Variants in RBM28 observed in about 807,000 individuals in gnomAD.
The protein encoded by RBM28 is RNA-binding protein 28.
RBM28 carries 78 observed loss-of-function variants against 98.3 expected under a neutral mutation model. The ratio of observed to expected loss-of-function variants is 0.79; its 90% CI spans 0.66 to 0.96. The LOEUF is 0.96. Ranked by LOEUF, RBM28 falls within the 40% of genes least tolerant of loss-of-function variation. The probability of loss-of-function intolerance (pLI) is 0.00; values close to 1 mark genes in which losing one functional copy is unlikely to be tolerated. For missense variants in RBM28, 838 were observed against 913.0 expected (o/e 0.92, Z 1.06); for synonymous variants, 306 against 330.9 (o/e 0.92, Z 0.82).
chr7:128,333,068 T>A (rs1796518213), intron 9 of RBM28, among the ~76,000 whole-genome samples: 1 of 152,208 alleles, frequency 6.6e-6, no homozygotes, highest in African/African-American at 2.4e-5. Context: ...TTACAAAGCA[T>A]GAAATCTAAA....
In RBM28 at chr7:128,321,474, T is replaced by G. The variant is rs754057772; in HGVS notation, c.1405-50A>C. On this transcript the variant is annotated intron_variant, in intron 13 of 18. Transcript: ENST00000223073. ...AGTACAACCCACTCTTTTTAAGAGG[T>G]AGGCTCATAATTCTCCAAAAGGAAA... 5.0e-6 allele frequency: 8 copies of G among 1,606,922 alleles called. 1 individual carries two copies. The Admixed American group carries it at 1.3e-4, about 27-fold the overall frequency.
chr7:128,341,748 C>T (rs1584667364), intron 1 of RBM28, among the ~76,000 whole-genome samples: 1 of 152,208 alleles, frequency 6.6e-6, no homozygotes, highest in Admixed American at 6.5e-5. Flanking sequence ...TGGAATACAA[C>T]CACCTGGGTA....
At chr7:128,329,333 AG>A in intron 10 of RBM28, among the ~76,000 whole-genome samples, 1 of 152,306 alleles carries the variant, frequency 6.6e-6, no homozygotes, top group African/African-American at 2.4e-5. Flanking sequence ...TCCCGACCTC[AG>A]GTGATCCGCC....
intron 14 of RBM28, among the ~76,000 whole-genome samples, chr7:128,320,545 C>T (rs879944642): frequency 3.3e-5 from 5 of 152,206 alleles, no homozygotes; most frequent in Non-Finnish European, 7.3e-5. Context: ...AATTCAACTG[C>T]TGAACATCTA....
rs1041161384 is a variant in RBM28 at position 128,306,276 on chromosome 7, C to CT, written c.*4520dup. On this transcript the variant is annotated 3_prime_UTR_variant, in exon 19 of 19. Transcript: ENST00000223073. The stretch of plus-strand genomic sequence containing the variant: ...TGAGTGGAAAGGAGGGGCACAGAGA[C>CT]TGTCCAGATTGGAATGGACAAGGCA... The CT allele has an allele frequency of 6.6e-6, 1 of 152,262 alleles. No homozygotes were observed. The highest frequency in any genetic ancestry group is 1.5e-5 in the Non-Finnish European group (1 of 68,080). 9.4% of individuals were successfully genotyped at this position (152,262 alleles called of 1,614,324 possible). A position where few individuals can be genotyped will look rare whatever the true frequency, so the allele number is the denominator to read the frequency against.
At chr7:128,331,058 G>T in intron 9 of RBM28, 130 bp from the exon 10 acceptor site, 2 of 713,666 alleles carry the variant, frequency 2.8e-6, no homozygotes, top group Non-Finnish European at 2.5e-6. Flanking sequence ...CATAGGGATG[G>T]CCCCCAGTGA....
intron 1 of RBM28, among the ~76,000 whole-genome samples, chr7:128,340,253 G>A (rs1232266453): frequency 6.6e-6 from 1 of 152,178 alleles, no homozygotes; most frequent in East Asian, 1.9e-4. Context: ...GTCTTTAAGA[G>A]GTGACTGGAT....
intron 5 of RBM28, among the ~76,000 whole-genome samples, chr7:128,337,551 G>A (rs1247128422): frequency 7.7e-5 from 10 of 129,982 alleles, no homozygotes; most frequent in South Asian, 5.1e-4. Context: ...ACATCTCTAC[G>A]GCAATAACTT....
chr7:128,297,994 G>C lies in RBM28; in HGVS notation c.*12803C>G, dbSNP rs1474523775. ...ACACTCTGGGGACTATTGAGGGGTG[G>C]GGGGAGGGGGGAGGGATAGCATTGG... On this transcript the variant is annotated 3_prime_UTR_variant, in exon 19 of 19. Transcript: ENST00000223073. The C allele has an allele frequency of 3.4e-5, 4 of 117,030 alleles. No individual in the cohort carries two copies. Among genetic ancestry groups the C allele is most frequent in the African/African-American group, 6.1e-5 (2 of 32,708 alleles). 7.2% of individuals were successfully genotyped at this position (117,030 alleles called of 1,614,324 possible).
At chr7:128,311,035 T>C in intron 18 of RBM28, 104 bp from the exon 19 acceptor site, 1 of 1,175,114 alleles carries the variant, frequency 8.5e-7, no homozygotes, top group Non-Finnish European at 1.2e-6. Context: ...ACAGAGATCA[T>C]ATCTACCAGA....
At position 128,305,476 on chromosome 7, in the gene RBM28, T is replaced by C. The variant is rs896453415; in HGVS notation, c.*5321A>G. On this transcript the variant is annotated 3_prime_UTR_variant, in exon 19 of 19. Transcript: ENST00000223073. The stretch of plus-strand genomic sequence containing the variant: ...TCGAGAGTAAGGAGATGAAGGGACA[T>C]TTGAGACTCTGAATTTTTTCTTTTT... The C allele has an allele frequency of 6.6e-6, 1 of 152,034 alleles. No homozygotes were observed. The allele number at this position is 152,034 out of a possible 1,614,324, so 9.4% of individuals were successfully genotyped here.
At chr7:128,329,327 G>A (rs190567456) in intron 10 of RBM28, among the ~76,000 whole-genome samples, 2 of 152,016 alleles carry the variant, frequency 1.3e-5, no homozygotes, top group African/African-American at 4.8e-5. Flanking sequence ...TTGAACTCCC[G>A]ACCTCAGGTG....
rs1795902586 is a variant in RBM28 at position 128,308,141 on chromosome 7, T to C, written c.*2656A>G. 1 of 152,166 alleles carries C rather than the reference T, an allele frequency of 6.6e-6. No homozygotes were observed. Among genetic ancestry groups the C allele is most frequent in the Non-Finnish European group, 1.5e-5 (1 of 68,036 alleles). The allele number at this position is 152,166 out of a possible 1,614,324, so 9.4% of individuals were successfully genotyped here. ...GTGTTCCAAAGGAAGACACCATATA[T>C]AGAATTTGACTATTAAGAAAGGGAA... On this transcript the variant is annotated 3_prime_UTR_variant, in exon 19 of 19. Transcript: ENST00000223073.
chr7:128,330,946 A>G lies in RBM28; in HGVS notation c.1020-18T>C, dbSNP rs1416665208. 4.8e-5 allele frequency: 75 copies of G among 1,554,950 alleles called. No homozygotes were observed. Among genetic ancestry groups the G allele is most frequent in the Non-Finnish European group, 6.5e-5 (73 of 1,126,140 alleles). The stretch of plus-strand genomic sequence containing the variant: ...ACAGATTTCTATGGAAGATAACCAG[A>G]TGATCACAAGAAAAGTCAATTACAT... On this transcript the variant is annotated intron_variant, in intron 9 of 18. Transcript: ENST00000223073.
Position 128,314,695 on chromosome 7 carries a change from T to C in RBM28, c.2045+69A>G, listed in dbSNP as rs561204418. On this transcript the variant is annotated intron_variant, in intron 17 of 18. Transcript: ENST00000223073. ...CCAAACAAATGCCACAAAGAGAAAA[T>C]AACTCAGCAAAAACAAACCCGCTTA... 29 of 1,605,858 alleles carry C rather than the reference T, an allele frequency of 1.8e-5. No homozygotes were observed. In the African/African-American group the frequency reaches 2.4e-4, roughly 13 times the overall value.
rs933886764 is a variant in RBM28 at position 128,329,470 on chromosome 7, C to T, written c.1129+1349G>A. Among the ~76,000 whole-genome samples the T allele has an allele frequency of 4.7e-4, 72 of 152,132 alleles. 2 individuals carry two copies. Among genetic ancestry groups the T allele is most frequent in the Non-Finnish European group, 7.1e-4 (48 of 68,028 alleles). On this transcript the variant is annotated intron_variant, in intron 10 of 18. Transcript: ENST00000223073. ...TCTATCAATGTGAAAGATAAAAAGG[C>T]TTAGAATGGAGGTAGGTTCTTAAGC...
intron 18 of RBM28, 89 bp downstream of exon 18, chr7:128,313,086 T>G (rs1796020919): frequency 4.6e-6 from 6 of 1,315,214 alleles, no homozygotes; most frequent in Middle Eastern, 1.8e-4. Context: ...TTTCTTTTTT[T>G]CTTTTTTGCT....
Position 128,321,305 on chromosome 7 carries a change from C to T in RBM28, c.1524G>A (p.Leu508=). The change falls in exon 14 of 19, where the codon CTG becomes CTA. Residue 508 remains leucine (L), a synonymous_variant. Transcript: ENST00000223073. ...VDDKQLRKLL[L]SATSGEKGVR... is the part of the protein sequence containing the mutation. The stretch of plus-strand genomic sequence containing the variant: ...CCCCTTTCTCTCCACTAGTAGCACT[C>T]AGCAGCAGCTTTCTGAGCTGTTTGT... The T allele has an allele frequency of 6.2e-7, 1 of 1,614,234 alleles. No individual in the cohort carries two copies. Among genetic ancestry groups the T allele is most frequent in the Non-Finnish European group, 8.5e-7 (1 of 1,180,040 alleles).
chr7:128,343,634 C>T (rs1315364171), intron 1 of RBM28, 42 bp downstream of exon 1: 8 of 1,460,082 alleles, frequency 5.5e-6, no homozygotes, highest in African/African-American at 2.8e-5. Context: ...TGCCCTCGAT[C>T]GCAGGAAACC....
Sources: gnomAD v4.1 joint callset for allele counts (sites outside exome capture counted in the v4.1 genomes callset) on GRCh38, gnomAD v4.1.1 for gene constraint, MANE v1.5 for transcripts, NCBI Gene and HGNC (gene_info 2026-07-23, HGNC 2026-07-21) for gene names.